The following NEDD8 variants were observed in gnomAD, a reference collection of about 807,000 sequenced individuals.
The protein encoded by NEDD8 is ubiquitin-like protein NEDD8.
In NEDD8, 1 loss-of-function variant was observed where a neutral mutation model predicts 13.8. The ratio of observed to expected loss-of-function variants is 0.07; its 90% confidence interval spans 0.03 to 0.34. NEDD8 has a LOEUF of 0.34. NEDD8 is among the 10% of genes least tolerant of loss of function. The pLI, the probability that NEDD8 is intolerant of heterozygous loss-of-function variation, is 0.99. For synonymous variants in NEDD8, 31 were observed against 33.2 expected (o/e 0.93, Z 0.23); for missense variants, 10 against 95.2 (o/e 0.10, Z 3.73).
intron 1 of NEDD8, among the ~76,000 whole-genome samples, chr14:24,220,038 C>A (rs1446942211): frequency 6.6e-6 from 1 of 152,222 alleles, no homozygotes; most frequent in Non-Finnish European, 1.5e-5. Context: ...ACTCAGGAGG[C>A]TGAGGCAGGA....
chr14:24,219,876 A>T (rs557989596), intron 1 of NEDD8, among the ~76,000 whole-genome samples: 1 of 152,330 alleles, frequency 6.6e-6, no homozygotes, highest in African/African-American at 2.4e-5. Context: ...ACAGTGGCTC[A>T]TGCCTGTAAT....
In NEDD8 at chr14:24,217,121, G is replaced by A; in HGVS notation, c.*6C>T. ...GACAGGGTAAAGAGGTAAAATGGAG[G>A]GTCCATCACTGCCTAAGACCACCTC... On this transcript the variant is annotated 3_prime_UTR_variant, in exon 4 of 4. Transcript: ENST00000250495. The A allele has an allele frequency of 1.2e-6, 2 of 1,607,682 alleles. No individual in the cohort carries two copies. Among genetic ancestry groups the A allele is most frequent in the Non-Finnish European group, 1.7e-6 (2 of 1,175,736 alleles).
intron 1 of NEDD8, among the ~76,000 whole-genome samples, chr14:24,229,803 C>T (rs1320490834): frequency 1.3e-5 from 2 of 152,110 alleles, no homozygotes; most frequent in Non-Finnish European, 2.9e-5. Context: ...AGGCCGGGCG[C>T]GGTGGCTCAT....
At chr14:24,232,063 G>A (rs574218149) in intron 1 of NEDD8, 187 bp downstream of exon 1, 6 of 847,916 alleles carry the variant, frequency 7.1e-6, no homozygotes, top group Non-Finnish European at 1.1e-5. Flanking sequence ...CGTCAGGTGG[G>A]ACCTGGGCCC....
rs565649757 is a variant in NEDD8 at position 24,220,432 on chromosome 14, C to T, written c.19-2001G>A. Among the ~76,000 whole-genome samples the T allele has an allele frequency of 3.9e-5, 6 of 152,294 alleles. No individual in the cohort carries two copies. The East Asian group carries it at 5.8e-4, about 15-fold the overall frequency. ...GACCTCCTGGGTTCAAACAACCCTCCCACCTCAGCCTCCTAAGTAGCAAGG... is the reference window on the plus strand; with the variant it reads ...GACCTCCTGGGTTCAAACAACCCTCTCACCTCAGCCTCCTAAGTAGCAAGG... On this transcript the variant is annotated intron_variant, in intron 1 of 3. Coordinates refer to ENST00000250495, the MANE Select transcript of NEDD8 (RefSeq NM_006156.3).
At chr14:24,219,235 G>A (rs2039758018) in intron 1 of NEDD8, among the ~76,000 whole-genome samples, 1 of 151,754 alleles carries the variant, frequency 6.6e-6, no homozygotes, top group African/African-American at 2.4e-5. Context: ...ACTGAGGCGG[G>A]AGGATCACTT....
intron 1 of NEDD8, among the ~76,000 whole-genome samples, chr14:24,225,403 T>G (rs747746061): frequency 7.9e-5 from 12 of 152,112 alleles, no homozygotes; most frequent in Non-Finnish European, 1.6e-4. Flanking sequence ...TAGTAAGCAA[T>G]CAGTTAAATT....
intron 1 of NEDD8, among the ~76,000 whole-genome samples, chr14:24,220,715 A>G (rs1310423667): frequency 3.3e-5 from 5 of 152,212 alleles, no homozygotes; most frequent in African/African-American, 9.7e-5. Flanking sequence ...GACTATTACT[A>G]TTTCCATTTT....
At chr14:24,217,368 C>CA in intron 3 of NEDD8, 145 bp from the exon 4 acceptor site, 1 of 638,650 alleles carries the variant, frequency 1.6e-6, no homozygotes, top group South Asian at 2.0e-5. Context: ...CAGCTCACTG[C>CA]AACTTCCACC....
intron 1 of NEDD8, among the ~76,000 whole-genome samples, chr14:24,223,085 CA>C (rs71426836): frequency 0.032 from 2,383 of 75,566 alleles, 44 homozygotes; most frequent in African/African-American, 0.11. Context: ...GACTGCATTT[CA>C]AAAAAAAAAA....
chr14:24,228,510 T>C (rs1158823961), intron 1 of NEDD8: 1 of 151,678 alleles, frequency 6.6e-6, no homozygotes, highest in Non-Finnish European at 1.5e-5. Context: ...ACCCCAGAAG[T>C]TTTAGACTAG....
In NEDD8 at chr14:24,229,088, G is replaced by A. The variant is rs973770469; in HGVS notation, c.18+3162C>T. On this transcript the variant is annotated intron_variant, in intron 1 of 3. Coordinates refer to ENST00000250495, the MANE Select transcript of NEDD8 (RefSeq NM_006156.3). ...CATTCAATATCACCTGGGAGTTTGT[G>A]AGAAATGCAGAAACCTGTGCCCCAC... 3.3e-5 allele frequency among the ~76,000 whole-genome samples: 5 copies of A among 152,190 alleles called. No homozygotes were observed. The East Asian group carries it at 7.7e-4, about 23-fold the overall frequency.
chr14:24,218,299 G>A, intron 2 of NEDD8, 84 bp from the exon 3 acceptor site: 1 of 1,613,770 alleles, frequency 6.2e-7, no homozygotes, highest in East Asian at 2.2e-5. Context: ...CAGACAGCAT[G>A]AGAGCAAAAG....
At chr14:24,227,369 A>T (rs1196066792) in intron 1 of NEDD8, 1 of 152,194 alleles carries the variant, frequency 6.6e-6, no homozygotes, top group Non-Finnish European at 1.5e-5. Context: ...CTAAAGGAAG[A>T]CCTGCACATT....
chr14:24,221,094 C>T (rs2039800411), intron 1 of NEDD8, among the ~76,000 whole-genome samples: 1 of 152,160 alleles, frequency 6.6e-6, no homozygotes, highest in East Asian at 1.9e-4. Flanking sequence ...CTAACCTATG[C>T]TGGTCTGTGT....
At chr14:24,231,055 A>C (rs934330563) in intron 1 of NEDD8, among the ~76,000 whole-genome samples, 3 of 151,324 alleles carry the variant, frequency 2.0e-5, no homozygotes, top group African/African-American at 7.3e-5. Flanking sequence ...ACCCTTGGCT[A>C]ATTTTTTGAA....
chr14:24,223,547 ATTTAT>A (rs1377268334), intron 1 of NEDD8, among the ~76,000 whole-genome samples: 3 of 151,660 alleles, frequency 2.0e-5, no homozygotes, highest in Non-Finnish European at 4.4e-5. Flanking sequence ...TTTTATATTT[ATTTAT>A]TTATTTATTT....
At position 24,218,171 on chromosome 14, in the gene NEDD8, G is replaced by A; in HGVS notation, c.111C>T (p.Pro37=). Residue 37 remains proline (P), a synonymous_variant, in exon 3 of 4, where the codon CCC becomes CCT. Transcript: ENST00000250495. The stretch of plus-strand genomic sequence containing the variant: ...TGTAGATGAGCCTCTGCTGTTGTGG[G>A]GGGATTCCCTCTTTCTCCTCCACAC... ...KERVEEKEGI[P]PQQQRLIYSG... is the part of the protein sequence containing the mutation. The A allele has an allele frequency of 6.2e-7, 1 of 1,614,082 alleles. No homozygotes were observed. The highest frequency in any genetic ancestry group is 1.1e-5 in the South Asian group (1 of 91,074).
At chr14:24,231,486 G>A (rs1490938223) in intron 1 of NEDD8, among the ~76,000 whole-genome samples, 4 of 138,716 alleles carry the variant, frequency 2.9e-5, no homozygotes, top group Non-Finnish European at 4.6e-5. Flanking sequence ...GTTTTTTTGA[G>A]GGGGGCGTGG....
Sources: allele counts gnomAD v4.1 joint callset (sites outside exome capture counted in the v4.1 genomes callset), GRCh38; gene constraint gnomAD v4.1.1; transcripts MANE v1.5; gene names NCBI Gene and HGNC (gene_info 2026-07-23, HGNC 2026-07-21).